The following ARHGAP15 variants were observed in gnomAD, a reference collection of about 807,000 sequenced individuals.
The protein encoded by ARHGAP15 is rho GTPase-activating protein 15.
ARHGAP15 carries 51 observed loss-of-function variants against 63.7 expected under a neutral mutation model. The ratio of observed to expected loss-of-function variants is 0.80; its 90% confidence interval spans 0.64 to 1.01. The LOEUF is 1.01. Among genes scored for constraint, ARHGAP15 ranks in the 50% least tolerant of loss-of-function variants. The pLI, the probability that ARHGAP15 is intolerant of heterozygous loss-of-function variation, is 0.00. For missense variants in ARHGAP15, 560 were observed against 564.6 expected (o/e 0.99, Z 0.08); for synonymous variants, 191 against 193.8 (o/e 0.99, Z 0.12).
At chr2:143,309,897 TAC>T (rs1313301081) in intron 6 of ARHGAP15, among the ~76,000 whole-genome samples, 3 of 151,590 alleles carry the variant, frequency 2.0e-5, no homozygotes, top group African/African-American at 4.8e-5. Flanking sequence ...TGTGTGTGTA[TAC>T]ACACATGATG....
Position 143,144,970 on chromosome 2 carries a change from G to T in ARHGAP15, c.-14-10507G>T, listed in dbSNP as rs183978477. Among the ~76,000 whole-genome samples, 512 of 152,128 alleles carry T rather than the reference G, an allele frequency of 3.4e-3. 4 individuals are homozygous for T. The highest frequency in any genetic ancestry group is 5.2e-3 in the Non-Finnish European group (353 of 67,968). On this transcript the variant is annotated intron_variant, in intron 1 of 13. Coordinates refer to ENST00000295095, the MANE Select transcript of ARHGAP15 (RefSeq NM_018460.4). Reference sequence around the variant, plus strand: ...AAGGGTGCAGCTGAATCCCTTAGGGGTTATGACCAAATATGCAATTTCTCA... The same window carrying T: ...AAGGGTGCAGCTGAATCCCTTAGGGTTTATGACCAAATATGCAATTTCTCA...
chr2:143,516,145 G>A (rs1693808398), intron 9 of ARHGAP15, among the ~76,000 whole-genome samples: 2 of 152,100 alleles, frequency 1.3e-5, no homozygotes, highest in South Asian at 4.1e-4. Context: ...GTTCTTACCT[G>A]TTTACTTATA....
rs182618105 is a variant in ARHGAP15 at position 143,136,720 on chromosome 2, T to G, written c.-15+7254T>G. ...ATGTAATAAATAAAAACTCCTTTTATATTACATTTTGTTTACAATTTGTCT... is the reference window on the plus strand; with the variant it reads ...ATGTAATAAATAAAAACTCCTTTTAGATTACATTTTGTTTACAATTTGTCT... On this transcript the variant is annotated intron_variant, in intron 1 of 13. Transcript: ENST00000295095. Among the ~76,000 whole-genome samples the G allele has an allele frequency of 5.6e-4, 85 of 152,244 alleles. 1 individual carries two copies. Among genetic ancestry groups the G allele is most frequent in the African/African-American group, 1.9e-3 (81 of 41,586 alleles).
intron 12 of ARHGAP15, among the ~76,000 whole-genome samples, chr2:143,641,462 A>T (rs1028579587): frequency 6.6e-6 from 1 of 152,160 alleles, no homozygotes; most frequent in Non-Finnish European, 1.5e-5. Context: ...AAGGTATCAC[A>T]TGAGAAAATA....
At chr2:143,455,013 G>T (rs767201532) in intron 8 of ARHGAP15, among the ~76,000 whole-genome samples, 5 of 151,984 alleles carry the variant, frequency 3.3e-5, no homozygotes, top group African/African-American at 7.2e-5. Context: ...TCCCAATCCA[G>T]ACCCCAAGAC....
At chr2:143,429,638 G>A (rs1453170234) in intron 6 of ARHGAP15, among the ~76,000 whole-genome samples, 1 of 152,084 alleles carries the variant, frequency 6.6e-6, no homozygotes, top group African/African-American at 2.4e-5. Flanking sequence ...ATAAGCGTCT[G>A]GAAACTAATG....
At chr2:143,264,342 T>C (rs1475166924) in intron 6 of ARHGAP15, among the ~76,000 whole-genome samples, 1 of 152,138 alleles carries the variant, frequency 6.6e-6, no homozygotes, top group Non-Finnish European at 1.5e-5. Context: ...ATTTTTGCTG[T>C]GGAAGGTAAG....
At chr2:143,632,795 C>CCA (rs1680111629) in intron 12 of ARHGAP15, among the ~76,000 whole-genome samples, 1 of 152,084 alleles carries the variant, frequency 6.6e-6, no homozygotes, top group South Asian at 2.1e-4. Flanking sequence ...GGGGAAAAGC[C>CCA]AGTCAAGTAT....
chr2:143,720,415 C>T (rs1684996038), intron 13 of ARHGAP15, among the ~76,000 whole-genome samples: 3 of 152,114 alleles, frequency 2.0e-5, no homozygotes, highest in South Asian at 4.1e-4. Flanking sequence ...TGGTAAGGGC[C>T]GCTATCCTGC....
chr2:143,602,957 C>T (rs986825235), intron 11 of ARHGAP15, among the ~76,000 whole-genome samples: 4 of 152,106 alleles, frequency 2.6e-5, no homozygotes, highest in African/African-American at 9.7e-5. Flanking sequence ...ACCAAATAGG[C>T]GTACTCTAAT....
intron 6 of ARHGAP15, among the ~76,000 whole-genome samples, chr2:143,333,048 T>C (rs1684617978): frequency 6.6e-6 from 1 of 151,632 alleles, no homozygotes; most frequent in South Asian, 2.1e-4. Context: ...TGAATGCTTG[T>C]AGCCTTCACT....
intron 6 of ARHGAP15, among the ~76,000 whole-genome samples, chr2:143,289,181 G>T (rs1472416802): frequency 6.8e-6 from 1 of 147,750 alleles, no homozygotes; most frequent in Non-Finnish European, 1.5e-5. Context: ...GTGCCAAAAA[G>T]GGGGAAAAAT....
At chr2:143,221,984 G>A (rs1287758765) in intron 4 of ARHGAP15, among the ~76,000 whole-genome samples, 1 of 152,178 alleles carries the variant, frequency 6.6e-6, no homozygotes, top group Non-Finnish European at 1.5e-5. Context: ...ACTAAGGTGT[G>A]CGCCTAACGT....
intron 1 of ARHGAP15, among the ~76,000 whole-genome samples, chr2:143,143,187 T>C (rs1689440612): frequency 6.6e-6 from 1 of 152,050 alleles, no homozygotes; most frequent in Admixed American, 6.6e-5. Context: ...AAAAGCAAAC[T>C]AAACTTGTTT....
intron 13 of ARHGAP15, among the ~76,000 whole-genome samples, chr2:143,722,127 T>C (rs966994433): frequency 5.9e-5 from 9 of 152,104 alleles, no homozygotes; most frequent in African/African-American, 1.9e-4. Context: ...TCTATGTATT[T>C]TGTGACTTCT....
intron 6 of ARHGAP15, among the ~76,000 whole-genome samples, chr2:143,292,579 G>A (rs1006785176): frequency 6.6e-6 from 1 of 151,838 alleles, no homozygotes; most frequent in African/African-American, 2.4e-5. Context: ...GTAACAGCCT[G>A]TAAAATTAAA....
intron 8 of ARHGAP15, among the ~76,000 whole-genome samples, chr2:143,462,240 T>G (rs1030530548): frequency 2.0e-5 from 3 of 152,174 alleles, no homozygotes; most frequent in African/African-American, 7.2e-5. Flanking sequence ...AAACTATAAT[T>G]GATAGGCCAT....
intron 11 of ARHGAP15, among the ~76,000 whole-genome samples, chr2:143,604,064 C>T (rs1046356668): frequency 3.3e-5 from 5 of 152,092 alleles, no homozygotes; most frequent in Admixed American, 2.0e-4. Flanking sequence ...CATTAGACTA[C>T]GAAATAATCT....
intron 10 of ARHGAP15, among the ~76,000 whole-genome samples, chr2:143,542,117 G>C (rs573066107): frequency 8.5e-5 from 13 of 152,314 alleles, no homozygotes; most frequent in Middle Eastern, 3.4e-3. Flanking sequence ...CTTGCAGTTT[G>C]ATCTCAGAAT....
Sources: allele counts gnomAD v4.1 joint callset (sites outside exome capture counted in the v4.1 genomes callset), GRCh38; gene constraint gnomAD v4.1.1; transcripts MANE v1.5; gene names NCBI Gene and HGNC (gene_info 2026-07-23, HGNC 2026-07-21).